The following AMOTL1 variants were observed in gnomAD, a reference collection of about 807,000 sequenced individuals.
The protein encoded by AMOTL1 is angiomotin like 1, also known as angiomotin-like protein 1.
AMOTL1 carries 45 observed loss-of-function variants against 102.9 expected under a neutral mutation model. That is an observed-to-expected ratio of 0.44 (90% confidence interval 0.34 to 0.56). AMOTL1 has a LOEUF of 0.56. Ranked by LOEUF, AMOTL1 falls within the 20% of genes least tolerant of loss-of-function variation. The pLI, the probability that AMOTL1 is intolerant of heterozygous loss-of-function variation, is 0.01. For missense variants in AMOTL1, 1,114 were observed against 1,225.6 expected (o/e 0.91, Z 1.36); for synonymous variants, 481 against 484.7 (o/e 0.99, Z 0.10).
At chr11:94,819,057 C>T (rs1438767692) in intron 3 of AMOTL1, among the ~76,000 whole-genome samples, 2 of 152,104 alleles carry the variant, frequency 1.3e-5, no homozygotes, top group Non-Finnish European at 2.9e-5. Flanking sequence ...ATTTCACAAC[C>T]TACTAAAAAT....
chr11:94,782,646 C>G (rs1591959837), intron 1 of AMOTL1, among the ~76,000 whole-genome samples: 1 of 152,146 alleles, frequency 6.6e-6, no homozygotes, highest in East Asian at 1.9e-4. Flanking sequence ...TTGCAATTGC[C>G]TTCAAGAAAA....
chr11:94,833,517 A>G lies in AMOTL1; in HGVS notation c.1648+1976A>G, dbSNP rs1952115523. On this transcript the variant is annotated intron_variant, in intron 6 of 12. Transcript: ENST00000433060. ...ATCTTATAGAAGACACTTTTAAGTG[A>G]CCACATTTGTGCCTTCTAGGTTTTC... is the stretch of plus-strand genomic sequence containing the variant. Among the ~76,000 whole-genome samples, 5 of 152,214 alleles carry G rather than the reference A, an allele frequency of 3.3e-5. No homozygotes were observed. In the South Asian group the frequency reaches 1.0e-3, roughly 32 times the overall value.
chr11:94,706,967 GA>G (rs540640926), intron 1 of AMOTL1, among the ~76,000 whole-genome samples: 70 of 152,218 alleles, frequency 4.6e-4, no homozygotes, highest in Non-Finnish European at 7.6e-4. Context: ...GACTCTTAGA[GA>G]GCTGATTCTT....
chr11:94,867,559 G>A (rs1952908429), intron 11 of AMOTL1, among the ~76,000 whole-genome samples: 1 of 152,188 alleles, frequency 6.6e-6, no homozygotes, highest in Admixed American at 6.5e-5. Context: ...TCCCTGCACT[G>A]ATATTCCTCC....
At chr11:94,840,093 TGAAA>T (rs201852859) in intron 6 of AMOTL1, among the ~76,000 whole-genome samples, 22 of 152,122 alleles carry the variant, frequency 1.4e-4, no homozygotes, top group African/African-American at 4.1e-4. Context: ...TTAGAGTTAA[TGAAA>T]GAAAGAAAGA....
At chr11:94,847,296 G>A (rs528111067) in intron 6 of AMOTL1, among the ~76,000 whole-genome samples, 23 of 152,286 alleles carry the variant, frequency 1.5e-4, no homozygotes, top group African/African-American at 5.5e-4. Flanking sequence ...GGGTTTGAAG[G>A]TCGAGTGGAC....
chr11:94,745,700 G>A (rs1950582529), intron 3 of AMOTL1, among the ~76,000 whole-genome samples: 1 of 152,190 alleles, frequency 6.6e-6, no homozygotes, highest in Admixed American at 6.5e-5. Flanking sequence ...AATGGTGTAT[G>A]TAAAGTCCAT....
intron 1 of AMOTL1, among the ~76,000 whole-genome samples, chr11:94,723,171 G>A (rs1383381274): frequency 2.0e-5 from 3 of 152,090 alleles, no homozygotes; most frequent in Non-Finnish European, 2.9e-5. Context: ...GCCATGCACC[G>A]TGCTAACAGT....
chr11:94,866,190 G>T, intron 11 of AMOTL1, 22 bp downstream of exon 11: 2 of 1,609,448 alleles, frequency 1.2e-6, no homozygotes, highest in South Asian at 2.2e-5. Flanking sequence ...ACCTCTGTCA[G>T]ACCATGATTG....
In AMOTL1 at chr11:94,839,941, G is replaced by A. The variant is rs1406885759; in HGVS notation, c.1648+8400G>A. ...CTTCTCAAGTGAGTTCCAACTACTG[G>A]AATTAACATTCTGTGCCTTTGGCTT... is the stretch of plus-strand genomic sequence containing the variant. On this transcript the variant is annotated intron_variant, in intron 6 of 12. Transcript: ENST00000433060. 2.0e-5 allele frequency among the ~76,000 whole-genome samples: 3 copies of A among 152,130 alleles called. No homozygotes were observed. In the East Asian group the frequency reaches 5.8e-4, roughly 29 times the overall value.
intron 1 of AMOTL1, 93 bp from the exon 2 acceptor site, chr11:94,794,918 T>A (rs1165043647): frequency 3.1e-5 from 42 of 1,375,862 alleles, no homozygotes; most frequent in Non-Finnish European, 3.9e-5. Context: ...GTTGAAACAC[T>A]GTGGGAGAAT....
At chr11:94,711,399 A>G (rs1348201736) in intron 1 of AMOTL1, among the ~76,000 whole-genome samples, 2 of 152,070 alleles carry the variant, frequency 1.3e-5, no homozygotes, top group Admixed American at 1.3e-4. Flanking sequence ...CAATATCAAA[A>G]CCAGGTAATT....
intron 1 of AMOTL1, among the ~76,000 whole-genome samples, chr11:94,715,794 C>T (rs1436780817): frequency 2.0e-5 from 3 of 151,920 alleles, no homozygotes; most frequent in African/African-American, 4.8e-5. Flanking sequence ...TGTTTTATTT[C>T]GTTTCAGTTT....
chr11:94,758,615 T>C (rs1950756424), intron 3 of AMOTL1, among the ~76,000 whole-genome samples: 1 of 152,360 alleles, frequency 6.6e-6, no homozygotes, highest in African/African-American at 2.4e-5. Context: ...CTAAGCTATT[T>C]TGAAGATTTT....
chr11:94,827,539 G>A (rs1951989215), intron 4 of AMOTL1, among the ~76,000 whole-genome samples: 1 of 152,186 alleles, frequency 6.6e-6, no homozygotes, highest in Admixed American at 6.5e-5. Flanking sequence ...TTCATGGTAA[G>A]GCTATGAACA....
chr11:94,818,165 T>C (rs907921444), intron 3 of AMOTL1, among the ~76,000 whole-genome samples: 2 of 152,246 alleles, frequency 1.3e-5, no homozygotes, highest in Non-Finnish European at 2.9e-5. Context: ...TTCATTGGAA[T>C]GGCATACTTT....
At chr11:94,819,419 A>T (rs1465356175) in intron 3 of AMOTL1, among the ~76,000 whole-genome samples, 1 of 152,212 alleles carries the variant, frequency 6.6e-6, no homozygotes, top group African/African-American at 2.4e-5. Flanking sequence ...AGACAAATGC[A>T]TATGTGATTA....
intron 3 of AMOTL1, among the ~76,000 whole-genome samples, chr11:94,759,514 T>C (rs1950765996): frequency 6.7e-6 from 1 of 149,264 alleles, no homozygotes; most frequent in Admixed American, 6.8e-5. Context: ...GTGCCCCAAA[T>C]GCAGCTTCAT....
At chr11:94,852,968 A>G (rs180793517) in intron 7 of AMOTL1, among the ~76,000 whole-genome samples, 1 of 152,364 alleles carries the variant, frequency 6.6e-6, no homozygotes, top group Admixed American at 6.5e-5. Flanking sequence ...TGTCATATAG[A>G]TAAGCATGCT....
Sources: gnomAD v4.1 joint callset for allele counts (sites outside exome capture counted in the v4.1 genomes callset) on GRCh38, gnomAD v4.1.1 for gene constraint, MANE v1.5 for transcripts, NCBI Gene and HGNC (gene_info 2026-07-23, HGNC 2026-07-21) for gene names.